The following GRIA4 variants were observed in gnomAD, a reference collection of about 807,000 sequenced individuals.
GRIA4 encodes glutamate ionotropic receptor AMPA type subunit 4, also known as glutamate receptor 4.
GRIA4 carries 34 observed loss-of-function variants against 104.0 expected under a neutral mutation model. The observed-to-expected ratio is 0.33, with a 90% CI of 0.25 to 0.44. GRIA4 has a LOEUF of 0.44. GRIA4 is among the 20% of genes least tolerant of loss of function. The pLI is 1.00. For synonymous variants in GRIA4, 386 were observed against 381.9 expected, an observed-to-expected ratio of 1.01 and a Z score of -0.13; for missense variants, 750 against 1,096.5, an observed-to-expected ratio of 0.68 and a Z score of 4.46.
intron 3 of GRIA4, among the ~76,000 whole-genome samples, chr11:105,636,789 G>A (rs1004586967): frequency 2.0e-5 from 3 of 152,132 alleles, no homozygotes; most frequent in East Asian, 1.9e-4. Flanking sequence ...TCCCTCAACA[G>A]CGAACCAATT....
chr11:105,809,382 T>C (rs1943081422), intron 4 of GRIA4, among the ~76,000 whole-genome samples: 1 of 152,182 alleles, frequency 6.6e-6, no homozygotes, highest in African/African-American at 2.4e-5. Flanking sequence ...TTTACCCTTC[T>C]AGTTATTTTA....
chr11:105,794,839 A>C (rs1942415515), intron 4 of GRIA4, among the ~76,000 whole-genome samples: 1 of 151,838 alleles, frequency 6.6e-6, no homozygotes, highest in South Asian at 2.1e-4. Flanking sequence ...TTAGCATTTA[A>C]ATTATGAATA....
At chr11:105,888,218 A>G (rs547260174) in intron 6 of GRIA4, among the ~76,000 whole-genome samples, 2 of 146,868 alleles carry the variant, frequency 1.4e-5, no homozygotes, top group Non-Finnish European at 3.0e-5. Flanking sequence ...CATTTGCCCT[A>G]AGGGCCTGAT....
intron 14 of GRIA4, among the ~76,000 whole-genome samples, chr11:105,960,774 C>A (rs1012107213): frequency 3.3e-5 from 5 of 152,198 alleles, no homozygotes; most frequent in Non-Finnish European, 7.3e-5. Flanking sequence ...CGAGTGGGAC[C>A]TTCCCATCTG....
rs1253614380 is a variant in GRIA4 at position 105,738,990 on chromosome 11, G to C, written c.248-13991G>C. ...ACCCAAATGCACCTGTTTTGATTTA[G>C]ATGCCTTTTAGAAATTTCTTTCTTC... On this transcript the variant is annotated intron_variant, in intron 3 of 16. Transcript: ENST00000282499. Among the ~76,000 whole-genome samples the C allele has an allele frequency of 1.4e-5, 2 of 147,608 alleles. 1 individual carries two copies. Among genetic ancestry groups the C allele is most frequent in the East Asian group, 3.9e-4 (2 of 5,092 alleles).
At position 105,682,646 on chromosome 11, in the gene GRIA4, C is replaced by T. The variant is rs73627673; in HGVS notation, c.247+70212C>T. 6.9e-3 allele frequency among the ~76,000 whole-genome samples: 1,047 copies of T among 152,256 alleles called. 17 individuals are homozygous for T. The highest frequency in any genetic ancestry group is 0.024 in the African/African-American group (992 of 41,554). On this transcript the variant is annotated intron_variant, in intron 3 of 16. Transcript: ENST00000282499. The stretch of plus-strand genomic sequence containing the variant: ...TATGGGTACTCTCCAACCCTGAGCA[C>T]GAAAAGCAATCATGCTCAGATTTTT...
chr11:105,674,373 G>T lies in GRIA4; in HGVS notation c.247+61939G>T, dbSNP rs1952468502. On this transcript the variant is annotated intron_variant, in intron 3 of 16. Transcript: ENST00000282499. ...GGTGATTTTTAAATTTACTCAAATA[G>T]TCAAGTTTAGACTGCTGTAACTTAG... Among the ~76,000 whole-genome samples, 7 of 151,738 alleles carry T rather than the reference G, an allele frequency of 4.6e-5. No homozygotes were observed. The South Asian group carries it at 1.2e-3, about 27-fold the overall frequency.
intron 13 of GRIA4, among the ~76,000 whole-genome samples, chr11:105,931,324 A>G (rs1303769925): frequency 6.6e-6 from 1 of 151,874 alleles, no homozygotes; most frequent in African/African-American, 2.4e-5. Context: ...ATCATGAGAT[A>G]TTTTTTCAAG....
intron 4 of GRIA4, among the ~76,000 whole-genome samples, chr11:105,783,744 T>TTGTGTGTGTGTGTG (rs56222983): frequency 2.2e-4 from 32 of 145,474 alleles, no homozygotes; most frequent in East Asian, 6.2e-4. Flanking sequence ...TGGATGTTAT[T>TTGTGTGTGTGTGTG]TGTGTGTGTG....
chr11:105,888,436 A>G (rs548338175), intron 6 of GRIA4, among the ~76,000 whole-genome samples: 1 of 150,734 alleles, frequency 6.6e-6, no homozygotes, highest in African/African-American at 2.4e-5. Context: ...GGTGCCCGCC[A>G]CTACGCCCGG....
At chr11:105,971,480 A>G (rs1159230020) in intron 14 of GRIA4, among the ~76,000 whole-genome samples, 7 of 152,204 alleles carry the variant, frequency 4.6e-5, no homozygotes, top group Non-Finnish European at 1.0e-4. Context: ...CAAATACCAT[A>G]AGCTGAATCA....
In GRIA4 at chr11:105,910,790, G is replaced by A. The variant is rs559536762; in HGVS notation, c.1269+245G>A. Among the ~76,000 whole-genome samples the A allele has an allele frequency of 2.0e-5, 3 of 152,160 alleles. No individual in the cohort carries two copies. The East Asian group carries it at 5.8e-4, about 29-fold the overall frequency. ...GAAAAATGCTCAGATGTTAAAAATT[G>A]AGACTGTCAAACTCTAGTTGGAAAT... On this transcript the variant is annotated intron_variant, in intron 10 of 16. Coordinates refer to ENST00000282499, the MANE Select transcript of GRIA4 (RefSeq NM_000829.4).
intron 3 of GRIA4, among the ~76,000 whole-genome samples, chr11:105,659,298 C>T (rs79770629): frequency 2.0e-5 from 3 of 151,906 alleles, no homozygotes; most frequent in East Asian, 1.9e-4. Context: ...CTTAGGCATG[C>T]GATTTGGCTC....
At chr11:105,881,470 G>C (rs1015371277) in intron 5 of GRIA4, among the ~76,000 whole-genome samples, 10 of 152,098 alleles carry the variant, frequency 6.6e-5, no homozygotes, top group African/African-American at 2.4e-4. Context: ...CAGACTGTAT[G>C]GCTTTACAGG....
intron 3 of GRIA4, among the ~76,000 whole-genome samples, chr11:105,675,246 A>G (rs1952500785): frequency 6.6e-6 from 1 of 151,864 alleles, no homozygotes; most frequent in East Asian, 1.9e-4. Context: ...TCTTCGTAAA[A>G]GACTAACATT....
At chr11:105,919,560 C>T (rs1003145069) in intron 11 of GRIA4, among the ~76,000 whole-genome samples, 3 of 152,068 alleles carry the variant, frequency 2.0e-5, no homozygotes, top group East Asian at 3.9e-4. Context: ...GCATGTTATG[C>T]GCCTCCCTTG....
At chr11:105,742,574 A>G (rs192373315) in intron 3 of GRIA4, among the ~76,000 whole-genome samples, 2 of 150,392 alleles carry the variant, frequency 1.3e-5, no homozygotes, top group East Asian at 2.0e-4. Context: ...ACATGTGTGT[A>G]TATATATACA....
intron 5 of GRIA4, among the ~76,000 whole-genome samples, chr11:105,875,830 G>A (rs1188861482): frequency 6.6e-6 from 1 of 151,742 alleles, no homozygotes; most frequent in Admixed American, 6.6e-5. Context: ...CTAGCTAGTG[G>A]TCTATCTATT....
At chr11:105,649,731 T>C (rs1437457383) in intron 3 of GRIA4, among the ~76,000 whole-genome samples, 1 of 152,060 alleles carries the variant, frequency 6.6e-6, no homozygotes, top group Non-Finnish European at 1.5e-5. Flanking sequence ...TTCAGAAAAA[T>C]AATTTTATTA....
Sources: allele counts gnomAD v4.1 joint callset (sites outside exome capture counted in the v4.1 genomes callset), GRCh38; gene constraint gnomAD v4.1.1; transcripts MANE v1.5; gene names NCBI Gene and HGNC (gene_info 2026-07-23, HGNC 2026-07-21).